Variants in WDFY4 observed in about 807,000 individuals in gnomAD.
The protein encoded by WDFY4 is WD repeat- and FYVE domain-containing protein 4.
WDFY4 carries 169 observed loss-of-function variants against 351.9 expected under a neutral mutation model. That is an observed-to-expected ratio of 0.48 (90% CI 0.42 to 0.55). WDFY4 has a LOEUF of 0.55. Among genes scored for constraint, WDFY4 ranks in the 20% least tolerant of loss-of-function variants. The pLI is 0.00. For missense variants in WDFY4, 3,803 were observed against 3,935.6 expected, an observed-to-expected ratio of 0.97 and a Z score of 0.90; for synonymous variants, 1,622 against 1,574.6, an observed-to-expected ratio of 1.03 and a Z score of -0.71.
intron 4 of WDFY4, among the ~76,000 whole-genome samples, chr10:48,722,965 G>A (rs1185839196): frequency 6.6e-6 from 1 of 152,150 alleles, no homozygotes; most frequent in Non-Finnish European, 1.5e-5. Context: ...TAGATGAGAG[G>A]TTGGGGAGGG....
chr10:48,724,248 T>C (rs1165064325), intron 5 of WDFY4, among the ~76,000 whole-genome samples: 2 of 152,102 alleles, frequency 1.3e-5, no homozygotes, highest in Non-Finnish European at 2.9e-5. Context: ...TCGCTGTGTG[T>C]CCAGTGTCTG....
At chr10:48,896,960 G>T (rs1404841087) in intron 44 of WDFY4, among the ~76,000 whole-genome samples, 1 of 151,922 alleles carries the variant, frequency 6.6e-6, no homozygotes, top group Non-Finnish European at 1.5e-5. Flanking sequence ...GTCACGCCTG[G>T]GCAGAGGTAG....
intron 1 of WDFY4, among the ~76,000 whole-genome samples, chr10:48,685,928 G>C (rs997947598): frequency 1.7e-4 from 26 of 152,176 alleles, no homozygotes; most frequent in African/African-American, 5.8e-4. Flanking sequence ...TTGGGAGGGT[G>C]GGGATGGCTC....
intron 4 of WDFY4, among the ~76,000 whole-genome samples, chr10:48,722,700 ACACACACACACGTGCGTGCG>A (rs937675896): frequency 3.9e-5 from 6 of 152,116 alleles, no homozygotes; most frequent in African/African-American, 1.4e-4. Context: ...TGCATCATGC[ACACACACACACGTGCGTGCG>A]CACACACGCA....
intron 2 of WDFY4, among the ~76,000 whole-genome samples, chr10:48,718,817 G>T (rs2063988887): frequency 6.6e-6 from 1 of 152,214 alleles, no homozygotes; most frequent in Non-Finnish European, 1.5e-5. Context: ...CTTACGAACA[G>T]GGCTGCTACA....
At chr10:48,947,715 T>C (rs976363570) in intron 51 of WDFY4, among the ~76,000 whole-genome samples, 3 of 152,094 alleles carry the variant, frequency 2.0e-5, no homozygotes, top group African/African-American at 7.2e-5. Flanking sequence ...CACAACCCTA[T>C]CACTGGGATC....
At chr10:48,903,301 G>A (rs11101557) in intron 47 of WDFY4, among the ~76,000 whole-genome samples, 12,719 of 152,168 alleles carry the variant, frequency 0.084, 1,203 homozygotes, top group African/African-American at 0.24. Context: ...TAGATGGGAA[G>A]CGTTGGAGGA....
rs536054919 is a variant in WDFY4 at position 48,787,879 on chromosome 10, T to C, written c.3809-651T>C. 1.3e-4 allele frequency among the ~76,000 whole-genome samples: 14 copies of C among 104,494 alleles called. 1 individual carries two copies. The highest frequency in any genetic ancestry group is 5.6e-4 in the African/African-American group (9 of 16,040). 68.6% of individuals were successfully genotyped at this position (104,494 alleles called of 152,430 possible). A position where few individuals can be genotyped will look rare whatever the true frequency, so the allele number is the denominator to read the frequency against. On this transcript the variant is annotated intron_variant, in intron 20 of 61. Coordinates refer to ENST00000325239, the MANE Select transcript of WDFY4 (RefSeq NM_001394531.1). ...CTTCTTTCTTCTTCTTTCTTCTTTCTTTCTTCTTCTTCTCCTTCTTCTTCT... is the reference window on the plus strand; with the variant it reads ...CTTCTTTCTTCTTCTTTCTTCTTTCCTTCTTCTTCTTCTCCTTCTTCTTCT...
In WDFY4 at chr10:48,901,795, A is replaced by G. The variant is rs1837366097; in HGVS notation, c.7524-6A>G. On this transcript the variant is annotated splice_region_variant and splice_polypyrimidine_tract_variant and intron_variant, in intron 46 of 61. Transcript: ENST00000325239. The stretch of plus-strand genomic sequence containing the variant: ...TGATGGAATTATCCCTTCCCTTTTC[A>G]TGTAGCTTCTGCTCTTTCCAACCCA... 2.6e-6 allele frequency: 4 copies of G among 1,551,426 alleles called. No homozygotes were observed. The highest frequency in any genetic ancestry group is 3.5e-6 in the Non-Finnish European group (4 of 1,146,834).
chr10:48,901,700 A>G, intron 46 of WDFY4, 101 bp from the exon 47 acceptor site: 1 of 1,291,230 alleles, frequency 7.7e-7, no homozygotes, highest in Non-Finnish European at 1.1e-6. Context: ...GAGGGGGAGC[A>G]ATAATGAGCC....
At chr10:48,765,881 C>T (rs2065653592) in intron 13 of WDFY4, among the ~76,000 whole-genome samples, 1 of 152,202 alleles carries the variant, frequency 6.6e-6, no homozygotes, top group Non-Finnish European at 1.5e-5. Context: ...TGGAAGCCTC[C>T]AGAACAGCCT....
chr10:48,973,139 G>A (rs535768569), intron 57 of WDFY4, among the ~76,000 whole-genome samples: 12 of 152,282 alleles, frequency 7.9e-5, no homozygotes, highest in Admixed American at 1.3e-4. Context: ...AACACGTGCC[G>A]GCACTGGGGC....
In WDFY4 at chr10:48,890,690, A is replaced by G. The variant is rs1316945084; in HGVS notation, c.7279A>G (p.Thr2427Ala). ...YICENFTLSP[T>A]GDVYCTRHCL... ...CTGCGAGAACTTCACACTGTCTCCC[A>G]CGGGTGATGTCTACTGTACCCGTCA... The change falls in exon 44 of 62, where the codon ACG becomes GCG. Residue 2427 changes from threonine (T) to alanine (A), a missense_variant. By Grantham distance (58) the Thr-to-Ala change is moderately conservative (BLOSUM62 0). Transcript: ENST00000325239. 6.4e-7 allele frequency: 1 copy of G among 1,551,694 alleles called. No individual in the cohort carries two copies. Among genetic ancestry groups the G allele is most frequent in the East Asian group, 2.4e-5 (1 of 40,928 alleles).
At chr10:48,753,422 A>G (rs2065242445) in intron 12 of WDFY4, among the ~76,000 whole-genome samples, 2 of 152,200 alleles carry the variant, frequency 1.3e-5, no homozygotes, top group African/African-American at 4.8e-5. Flanking sequence ...TTTTGGCATT[A>G]TATGTAAAAA....
At chr10:48,835,218 A>G (rs74363419) in intron 39 of WDFY4, among the ~76,000 whole-genome samples, 5,329 of 152,264 alleles carry the variant, frequency 0.035, 329 homozygotes, top group African/African-American at 0.12. Context: ...ACAGTTGTAA[A>G]TATTGGGAGA....
intron 19 of WDFY4, among the ~76,000 whole-genome samples, chr10:48,780,503 G>T (rs1263858006): frequency 6.6e-6 from 1 of 152,206 alleles, no homozygotes; most frequent in Admixed American, 6.5e-5. Context: ...AAGCTCCCAG[G>T]TGAGGCCAAC....
At chr10:48,686,578 G>A (rs2063057396) in intron 1 of WDFY4, among the ~76,000 whole-genome samples, 1 of 152,074 alleles carries the variant, frequency 6.6e-6, no homozygotes, top group African/African-American at 2.4e-5. Flanking sequence ...ATGTATGATT[G>A]CAAGTTGTTG....
chr10:48,981,481 A>G lies in WDFY4; in HGVS notation c.9488+3A>G. 1 of 1,551,392 alleles carries G rather than the reference A, an allele frequency of 6.4e-7. No individual in the cohort carries two copies. Among genetic ancestry groups the G allele is most frequent in the East Asian group, 2.4e-5 (1 of 40,898 alleles). Reference sequence around the variant, plus strand: ...GTGACTGCTCTGGCCGTGTCCAGGTAAGCGCGGCCTTGTTTCTCTGGGTCT... The same window carrying G: ...GTGACTGCTCTGGCCGTGTCCAGGTGAGCGCGGCCTTGTTTCTCTGGGTCT... On this transcript the variant is annotated splice_donor_region_variant and intron_variant, in intron 61 of 61. Coordinates refer to ENST00000325239, the MANE Select transcript of WDFY4 (RefSeq NM_001394531.1).
intron 3 of WDFY4, 30 bp from the exon 4 acceptor site, chr10:48,721,231 G>C (rs1400257583): frequency 1.3e-6 from 2 of 1,543,326 alleles, no homozygotes; most frequent in East Asian, 4.9e-5. Context: ...GCAGGTCGCT[G>C]TATGCCCTGC....
Sources: allele counts gnomAD v4.1 joint callset (sites outside exome capture counted in the v4.1 genomes callset), GRCh38; gene constraint gnomAD v4.1.1; transcripts MANE v1.5; gene names NCBI Gene and HGNC (gene_info 2026-07-23, HGNC 2026-07-21).